Variants in UTP14A observed in about 807,000 individuals in gnomAD.
The protein encoded by UTP14A is UTP14A small subunit processome component, also known as U3 small nucleolar RNA-associated protein 14 homolog A.
In UTP14A, 5 loss-of-function variants were observed where a neutral mutation model predicts 57.2. The ratio of observed to expected loss-of-function variants is 0.09; its 90% CI spans 0.05 to 0.18. The LOEUF is 0.18. UTP14A is among the 10% of genes least tolerant of loss of function. UTP14A has a pLI of 1.00. For synonymous variants in UTP14A, 169 were observed against 210.9 expected (o/e 0.80, Z 1.72); for missense variants, 430 against 562.1 (o/e 0.76, Z 2.38).
chrX:129,928,226 CA>C (rs1168282224), intron 14 of UTP14A, among the ~76,000 whole-genome samples: 11 of 100,290 alleles, frequency 1.1e-4, no homozygotes, highest in African/African-American at 3.7e-4. Context: ...AAAAAAAATA[CA>C]AAAAAAAATT....
rs189134750 is a variant in UTP14A at position 129,926,925 on chromosome X, T to C, written c.2043+586T>C. Among the ~76,000 whole-genome samples, 4 of 112,217 alleles carry C rather than the reference T, an allele frequency of 3.6e-5. No homozygotes were observed. In the East Asian group the frequency reaches 1.1e-3, roughly 31 times the overall value. On this transcript the variant is annotated intron_variant, in intron 14 of 14. Coordinates refer to ENST00000394422, the MANE Select transcript of UTP14A (RefSeq NM_006649.4). ...TTTTCCCTCGGAAGGAATAAAGAAT[T>C]AATGGCTACAGAACAGAGGTAAGAA...
intron 4 of UTP14A, among the ~76,000 whole-genome samples, chrX:129,910,695 T>C (rs766240808): frequency 1.8e-5 from 2 of 112,244 alleles, no homozygotes; most frequent in East Asian, 5.6e-4. Flanking sequence ...AAGATCACTT[T>C]GGCTGTTTTT....
intron 14 of UTP14A, 47 bp from the exon 15 acceptor site, chrX:129,929,289 T>A: frequency 8.4e-7 from 1 of 1,189,767 alleles, no homozygotes. Context: ...AGTATACAAC[T>A]GCACCCCAGG....
chrX:129,920,937 T>C (rs1023418175), intron 10 of UTP14A, 185 bp downstream of exon 10: 1 of 754,360 alleles, frequency 1.3e-6, no homozygotes, highest in Non-Finnish European at 1.6e-6. Flanking sequence ...GGAAACAGCA[T>C]TGAAGGCAAG....
intron 11 of UTP14A, among the ~76,000 whole-genome samples, chrX:129,924,536 C>T (rs1197958703): frequency 9.2e-6 from 1 of 108,885 alleles, no homozygotes; most frequent in Non-Finnish European, 1.9e-5. Flanking sequence ...CTGCCCGCCT[C>T]GGCCTCCCAA....
chrX:129,918,770 G>A (rs1364439584), intron 6 of UTP14A, among the ~76,000 whole-genome samples: 3 of 110,227 alleles, frequency 2.7e-5, no homozygotes, highest in East Asian at 5.7e-4. Flanking sequence ...CCAGCTACTC[G>A]GGAGGCTGGG....
At chrX:129,914,839 G>A (rs1452756416) in intron 6 of UTP14A, among the ~76,000 whole-genome samples, 1 of 112,312 alleles carries the variant, frequency 8.9e-6, no homozygotes, top group Non-Finnish European at 1.9e-5. Context: ...AAGAGGAGGA[G>A]AGGAGGCATT....
At chrX:129,920,326 T>C in intron 8 of UTP14A, 131 bp from the exon 9 acceptor site, 1 of 950,778 alleles carries the variant, frequency 1.1e-6, no homozygotes, top group South Asian at 2.2e-5. Context: ...ACTGACTCCC[T>C]ATAGCCAACT....
In UTP14A at chrX:129,929,360, A is replaced by G; in HGVS notation, c.2068A>G (p.Thr690Ala). 8.3e-7 allele frequency: 1 copy of G among 1,210,775 alleles called. No individual in the cohort carries two copies. The highest frequency in any genetic ancestry group is 1.1e-6 in the Non-Finnish European group (1 of 895,063). ...HQVRVLPYPF[T>A]HHWQFERTIQ... ...GGTACGAGTGCTTCCATATCCATTT[A>G]CCCACCATTGGCAATTTGAAAGGAC... The change falls in exon 15 of 15, where the codon ACC becomes GCC. Residue 690 changes from threonine (T) to alanine (A), a missense_variant. This residue lies in a region of UTP14A where 82 missense variants were observed against 151.4 expected (regional missense o/e 0.54). Transcript: ENST00000394422.
chrX:129,924,990 A>T lies in UTP14A; in HGVS notation c.1544A>T (p.Glu515Val), dbSNP rs1259287485. ...AGAGTACAGACGCTGGAAGAGCTAGAAGAGCTGGGAAAAGAAGAATGTTTT... is the reference window on the plus strand; with the variant it reads ...AGAGTACAGACGCTGGAAGAGCTAGTAGAGCTGGGAAAAGAAGAATGTTTT... ...PERVQTLEEL[E>V]ELGKEECFQN... Residue 515 changes from glutamate to valine, a missense_variant, in exon 12 of 15, where the codon GAA becomes GTA. This residue lies in a region of UTP14A where 120 missense variants were observed against 116.8 expected (regional missense o/e 1.03). Transcript: ENST00000394422. 1.7e-6 allele frequency: 2 copies of T among 1,209,502 alleles called. No individual in the cohort carries two copies. The highest frequency in any genetic ancestry group is 4.4e-5 in the Admixed American group (2 of 45,599).
At chrX:129,928,250 T>C (rs1482949361) in intron 14 of UTP14A, among the ~76,000 whole-genome samples, 2 of 105,812 alleles carry the variant, frequency 1.9e-5, no homozygotes, top group Non-Finnish European at 1.9e-5. Context: ...CCAGGCATGG[T>C]GGCAGGCCCC....
At chrX:129,911,995 T>C (rs1012536514) in intron 6 of UTP14A, 74 bp downstream of exon 6, 28 of 1,139,661 alleles carry the variant, frequency 2.5e-5, no homozygotes, top group Non-Finnish European at 2.8e-5. Flanking sequence ...ATTGATTTGA[T>C]TGGACATGTT....
At chrX:129,921,987 T>G (rs148662549) in intron 11 of UTP14A, 36 of 128,825 alleles carry the variant, frequency 2.8e-4, no homozygotes, top group African/African-American at 1.1e-3. Flanking sequence ...TAGGTCAATT[T>G]TGAGACATTA....
At chrX:129,912,423 CTG>C (rs1239190946) in intron 6 of UTP14A, among the ~76,000 whole-genome samples, 1 of 109,829 alleles carries the variant, frequency 9.1e-6, no homozygotes, top group Non-Finnish European at 1.9e-5. Flanking sequence ...CGCCCGGTCT[CTG>C]TGTCACTTTT....
In UTP14A at chrX:129,920,519, G is replaced by T. The variant is rs139643161; in HGVS notation, c.815G>T (p.Arg272Leu). Residue 272 changes from arginine (R) to leucine (L), a missense_variant, in exon 9 of 15, where the codon CGG becomes CTG. Physicochemically the swap from Arg to Leu is moderately radical, Grantham distance 102. This residue lies in a region of UTP14A where 83 missense variants were observed against 140.4 expected (regional missense o/e 0.59). Transcript: ENST00000394422. ...KKALKEFEQL[R>L]KVNPAAALEE... ...GCCCTAAAAGAGTTTGAGCAGCTGC[G>T]GAAGGTTAATCCAGCTGCAGCACTA... 1 of 1,210,612 alleles carries T rather than the reference G, an allele frequency of 8.3e-7. No homozygotes were observed. Among genetic ancestry groups the T allele is most frequent in the Non-Finnish European group, 1.1e-6 (1 of 895,351 alleles).
chrX:129,911,741 C>T (rs184226027), intron 5 of UTP14A, 25 bp from the exon 6 acceptor site: 116 of 1,200,506 alleles, frequency 9.7e-5, no homozygotes, highest in African/African-American at 9.3e-4. Context: ...TGGCTCTTTC[C>T]GTTTACATGC....
intron 6 of UTP14A, among the ~76,000 whole-genome samples, chrX:129,914,365 T>C (rs1929598271): frequency 9.0e-6 from 1 of 110,930 alleles, no homozygotes; most frequent in South Asian, 3.8e-4. Flanking sequence ...TCACCTGAGG[T>C]CAGGAGTTCA....
intron 6 of UTP14A, among the ~76,000 whole-genome samples, chrX:129,917,594 T>C (rs1405161380): frequency 8.9e-6 from 1 of 112,030 alleles, no homozygotes; most frequent in Non-Finnish European, 1.9e-5. Context: ...CATGTAAAAT[T>C]AACTGGAAAC....
intron 2 of UTP14A, among the ~76,000 whole-genome samples, chrX:129,907,745 A>C (rs1407405437): frequency 1.8e-5 from 2 of 111,660 alleles, no homozygotes; most frequent in Admixed American, 1.9e-4. Context: ...TCACAAGGTC[A>C]GGAGATTGAG....
Sources: allele counts gnomAD v4.1 joint callset (sites outside exome capture counted in the v4.1 genomes callset), GRCh38; gene constraint gnomAD v4.1.1; regional missense constraint gnomAD v4.1.1; transcripts MANE v1.5; gene names NCBI Gene and HGNC (gene_info 2026-07-23, HGNC 2026-07-21).